PCSK6: variants seen among roughly 807,000 people sequenced by gnomAD.
The protein encoded by PCSK6 is paired basic amino acid cleaving enzyme 4.
A neutral mutation model predicts 123.3 loss-of-function variants in PCSK6; 85 were observed. The observed-to-expected ratio is 0.69, with a 90% CI of 0.58 to 0.83. The LOEUF is 0.83. Among genes scored for constraint, PCSK6 ranks in the 40% least tolerant of loss-of-function variants. PCSK6 has a pLI of 0.00. For synonymous variants in PCSK6, 508 were observed against 516.0 expected (o/e 0.98, Z 0.21); for missense variants, 1,191 against 1,282.3 (o/e 0.93, Z 1.09).
At chr15:101,350,122 G>A (rs1009476223) in intron 13 of PCSK6, among the ~76,000 whole-genome samples, 2 of 152,054 alleles carry the variant, frequency 1.3e-5, no homozygotes, top group Non-Finnish European at 2.9e-5. Context: ...TGGCCAGACT[G>A]GTCTCCAACT....
intron 11 of PCSK6, among the ~76,000 whole-genome samples, chr15:101,374,487 C>T (rs897823020): frequency 1.3e-5 from 2 of 152,160 alleles, no homozygotes; most frequent in Non-Finnish European, 2.9e-5. Context: ...AGGTTGGCTT[C>T]CTGGACCAAC....
chr15:101,394,833 T>A (rs2042355479), intron 7 of PCSK6, among the ~76,000 whole-genome samples: 1 of 152,162 alleles, frequency 6.6e-6, no homozygotes, highest in Non-Finnish European at 1.5e-5. Context: ...CACAGGAAAG[T>A]TCTTGGAGCT....
At chr15:101,479,418 T>C (rs2057813319) in intron 1 of PCSK6, among the ~76,000 whole-genome samples, 1 of 152,036 alleles carries the variant, frequency 6.6e-6, no homozygotes, top group African/African-American at 2.4e-5. Flanking sequence ...CGGATGGCCG[T>C]GTGGGAAATG....
At position 101,305,322 on chromosome 15, in the gene PCSK6, T is replaced by C. The variant is rs751883917; in HGVS notation, c.2846A>G (p.Asn949Ser). ...GAAGAGCTTCCGTTCGCACAGCCGGTTGGACTTCACCATCTCGCAGAATGT... is the reference window on the plus strand; with the variant it reads ...GAAGAGCTTCCGTTCGCACAGCCGGCTGGACTTCACCATCTCGCAGAATGT... ...DETFCEMVKS[N>S]RLCERKLFIQ... The change falls in exon 22 of 22, where the codon AAC (asparagine) becomes AGC (serine). Residue 949 changes from asparagine to serine, a missense_variant. By Grantham distance (46) the Asn-to-Ser change is conservative. Around this residue, in one of 3 missense-constraint regions of PCSK6, gnomAD observed 630 missense variants for 631.4 expected, o/e 1.00. Coordinates refer to ENST00000611716, the MANE Select transcript of PCSK6 (RefSeq NM_002570.5). This position sits in a 1 kb window ranked among gnomAD's most constrained non-coding sequence, Gnocchi z 4.8. 3 of 1,612,864 alleles carry C rather than the reference T, an allele frequency of 1.9e-6. No homozygotes were observed. Among genetic ancestry groups the C allele is most frequent in the Non-Finnish European group, 2.5e-6 (3 of 1,179,810 alleles).
chr15:101,459,463 TCCCGTCCCCCC>T, intron 1 of PCSK6, among the ~76,000 whole-genome samples: 1 of 137,298 alleles, frequency 7.3e-6, no homozygotes, highest in Non-Finnish European at 1.6e-5. Flanking sequence ...CTGCCACCAT[TCCCGTCCCCCC>T]ACCCTAAGTC....
intron 8 of PCSK6, among the ~76,000 whole-genome samples, chr15:101,391,967 G>A (rs946825800): frequency 6.6e-6 from 1 of 152,198 alleles, no homozygotes; most frequent in Non-Finnish European, 1.5e-5. Flanking sequence ...ACGCACACAT[G>A]CATGGCATAC....
chr15:101,468,798 T>A (rs1295614799), intron 1 of PCSK6, among the ~76,000 whole-genome samples: 2 of 152,182 alleles, frequency 1.3e-5, no homozygotes, highest in African/African-American at 4.8e-5. Flanking sequence ...AGTGTGCCCG[T>A]CAGGCAAGGA....
intron 13 of PCSK6, chr15:101,347,139 T>C (rs983482225): frequency 2.2e-5 from 27 of 1,231,630 alleles, no homozygotes; most frequent in Non-Finnish European, 2.7e-5. Flanking sequence ...TTTCCAGAAA[T>C]GAGAGTTTAG....
chr15:101,425,064 G>A (rs2056208933), intron 6 of PCSK6, among the ~76,000 whole-genome samples: 2 of 152,154 alleles, frequency 1.3e-5, no homozygotes, highest in South Asian at 4.1e-4. Flanking sequence ...GGCAGAGCAG[G>A]CACCCCATGA....
In PCSK6 at chr15:101,313,769, C is replaced by T. The variant is rs1227598036; in HGVS notation, c.2570-264G>A. The T allele has an allele frequency of 2.2e-5, 9 of 406,378 alleles. No individual in the cohort carries two copies. In the East Asian group the frequency reaches 2.3e-4, roughly 10 times the overall value. 25.2% of individuals were successfully genotyped at this position (406,378 alleles called of 1,614,324 possible). On this transcript the variant is annotated intron_variant, in intron 19 of 21. Transcript: ENST00000611716. The stretch of plus-strand genomic sequence containing the variant: ...GCACACCTGCCCACTGGCCGTGCCA[C>T]GATGATGGGCCCTGTTTCCAACAGG...
chr15:101,456,437 G>A (rs1461131790), intron 1 of PCSK6, among the ~76,000 whole-genome samples: 1 of 152,202 alleles, frequency 6.6e-6, no homozygotes, highest in African/African-American at 2.4e-5. Flanking sequence ...GGTCTCCAGA[G>A]GCGTCTGTCC....
chr15:101,458,180 T>C (rs115243544), intron 1 of PCSK6, among the ~76,000 whole-genome samples: 1 of 152,220 alleles, frequency 6.6e-6, no homozygotes, highest in African/African-American at 2.4e-5. Context: ...GTGACTGCCA[T>C]GTGCACTATC....
At chr15:101,488,291 G>C (rs1002157761) in intron 1 of PCSK6, among the ~76,000 whole-genome samples, 4 of 152,116 alleles carry the variant, frequency 2.6e-5, no homozygotes, top group Non-Finnish European at 4.4e-5. Flanking sequence ...ACTGCACTGA[G>C]AGGTCCCCTG....
intron 1 of PCSK6, among the ~76,000 whole-genome samples, chr15:101,484,594 T>A (rs1477004435): frequency 6.6e-6 from 1 of 152,052 alleles, no homozygotes; most frequent in Non-Finnish European, 1.5e-5. Flanking sequence ...TTTCACCATG[T>A]TGGCCAGGCT....
chr15:101,464,053 G>A (rs561111993), intron 1 of PCSK6, among the ~76,000 whole-genome samples: 26 of 152,266 alleles, frequency 1.7e-4, no homozygotes, highest in African/African-American at 5.8e-4. Context: ...GGGCAGGGAA[G>A]ACAGTGGTTT....
At chr15:101,368,297 G>T (rs2041460845) in intron 12 of PCSK6, among the ~76,000 whole-genome samples, 1 of 152,198 alleles carries the variant, frequency 6.6e-6, no homozygotes, top group South Asian at 2.1e-4. Context: ...GAGAGGGGAG[G>T]CTGGGGCAGC....
intron 6 of PCSK6, among the ~76,000 whole-genome samples, chr15:101,407,053 A>C (rs1299189873): frequency 2.0e-5 from 3 of 152,012 alleles, no homozygotes; most frequent in African/African-American, 7.3e-5. Context: ...TCTCTCAGCC[A>C]GCGACCTCCA....
Position 101,474,432 on chromosome 15 carries a change from C to T in PCSK6, c.297+14942G>A, listed in dbSNP as rs563266495. Among the ~76,000 whole-genome samples the T allele has an allele frequency of 1.5e-4, 23 of 152,292 alleles. No individual in the cohort carries two copies. The East Asian group carries it at 3.5e-3, about 23-fold the overall frequency. On this transcript the variant is annotated intron_variant, in intron 1 of 21. Transcript: ENST00000611716. ...CGCCACGGCGGTGATCACTGGGGTG[C>T]GCAGCCTGCCTGACCCATCTTTATA...
intron 1 of PCSK6, among the ~76,000 whole-genome samples, chr15:101,460,820 T>C (rs1274485928): frequency 6.6e-6 from 1 of 152,072 alleles, no homozygotes; most frequent in Non-Finnish European, 1.5e-5. Flanking sequence ...AACATCATAA[T>C]TGGGATAAAA....
Sources: allele counts gnomAD v4.1 joint callset (sites outside exome capture counted in the v4.1 genomes callset), GRCh38; gene constraint gnomAD v4.1.1; regional missense constraint gnomAD v4.1.1; non-coding constraint Gnocchi (gnomAD v3.1); transcripts MANE v1.5; gene names NCBI Gene and HGNC (gene_info 2026-07-23, HGNC 2026-07-21).